Variants in KLHL3 observed in about 807,000 individuals in gnomAD.
KLHL3 encodes the protein kelch like family member 3.
Under a neutral mutation model 70.5 loss-of-function variants are expected in KLHL3, and 19 were observed. That is an observed-to-expected ratio of 0.27 (90% CI 0.19 to 0.40). The LOEUF is 0.40. Among genes scored for constraint, KLHL3 ranks in the 10% least tolerant of loss-of-function variants. The pLI, the probability that KLHL3 is intolerant of heterozygous loss-of-function variation, is 1.00. For synonymous variants in KLHL3, 258 were observed against 290.3 expected, an observed-to-expected ratio of 0.89 and a Z score of 1.13; for missense variants, 512 against 771.1, an observed-to-expected ratio of 0.66 and a Z score of 3.98.
chr5:137,720,988 A>G, intron 1 of KLHL3: 1 of 526,462 alleles, frequency 1.9e-6, no homozygotes, highest in Non-Finnish European at 2.5e-6. Flanking sequence ...AACAATAGGC[A>G]AAGCCACCAT....
intron 6 of KLHL3, among the ~76,000 whole-genome samples, chr5:137,663,097 G>T (rs1346653646): frequency 1.7e-5 from 2 of 119,564 alleles, no homozygotes; most frequent in East Asian, 2.5e-4. Context: ...TTACTCTGTC[G>T]CATAGGCTGG....
At chr5:137,691,204 T>C (rs1752312561) in intron 5 of KLHL3, among the ~76,000 whole-genome samples, 1 of 152,218 alleles carries the variant, frequency 6.6e-6, no homozygotes, top group Admixed American at 6.5e-5. Context: ...GGTAGAACCA[T>C]ACACTATGCA....
chr5:137,652,121 G>A (rs1348872849), intron 8 of KLHL3, among the ~76,000 whole-genome samples: 2 of 151,844 alleles, frequency 1.3e-5, no homozygotes, highest in African/African-American at 4.8e-5. Flanking sequence ...GAAAGTATAG[G>A]AGAAAATCTG....
In KLHL3 at chr5:137,651,502, A is replaced by G. The variant is rs140057838; in HGVS notation, c.903+6629T>C. ...AAAACAATAAAATACCCAGGGATAG[A>G]TCTAACAAAAGACATGTAAGACCCA... On this transcript the variant is annotated intron_variant, in intron 8 of 14. Coordinates refer to ENST00000309755, the MANE Select transcript of KLHL3 (RefSeq NM_017415.3). Among the ~76,000 whole-genome samples, 1,239 of 152,362 alleles carry G rather than the reference A, an allele frequency of 8.1e-3. 17 individuals are homozygous for G. The highest frequency in any genetic ancestry group is 0.028 in the African/African-American group (1,166 of 41,578).
At chr5:137,669,747 T>C (rs950536718) in intron 6 of KLHL3, among the ~76,000 whole-genome samples, 1 of 152,216 alleles carries the variant, frequency 6.6e-6, no homozygotes, top group East Asian at 1.9e-4. Flanking sequence ...AATCTTTCCC[T>C]GTAGCTCCAA....
intron 8 of KLHL3, among the ~76,000 whole-genome samples, chr5:137,641,853 C>A (rs571946695): frequency 6.6e-6 from 1 of 152,200 alleles, no homozygotes; most frequent in South Asian, 2.1e-4. Flanking sequence ...GGACACAAAA[C>A]CCAGCCTCGA....
At chr5:137,682,435 GGCATAGAC>G (rs1752055089) in intron 5 of KLHL3, among the ~76,000 whole-genome samples, 1 of 139,144 alleles carries the variant, frequency 7.2e-6, no homozygotes, top group Non-Finnish European at 1.6e-5. Flanking sequence ...GAGAGAGAGA[GGCATAGAC>G]AGAGGATATG....
chr5:137,689,873 G>GT (rs1176600748), intron 5 of KLHL3, among the ~76,000 whole-genome samples: 3 of 152,176 alleles, frequency 2.0e-5, no homozygotes, highest in Admixed American at 6.5e-5. Flanking sequence ...TCAGACAACT[G>GT]TATCAGCCAA....
intron 5 of KLHL3, among the ~76,000 whole-genome samples, chr5:137,682,175 A>G (rs1253014619): frequency 6.6e-6 from 1 of 152,006 alleles, no homozygotes; most frequent in Non-Finnish European, 1.5e-5. Flanking sequence ...TCCCCATTTT[A>G]CAGATGGAGA....
intron 12 of KLHL3, among the ~76,000 whole-genome samples, 197 bp downstream of exon 12, chr5:137,633,840 T>G (rs1000428678): frequency 1.2e-4 from 18 of 152,196 alleles, no homozygotes; most frequent in Non-Finnish European, 2.5e-4. Flanking sequence ...AGGGTGAAAG[T>G]TGAAAAATTA....
Position 137,735,615 on chromosome 5 carries a change from A to C in KLHL3, c.14+18T>G, listed in dbSNP as rs1753249032. ...CTTACATACACACACAACACAGCAC[A>C]CACTTATACATACATACCTTTCACC... On this transcript the variant is annotated intron_variant, in intron 1 of 14. Coordinates refer to ENST00000309755, the MANE Select transcript of KLHL3 (RefSeq NM_017415.3). 1.3e-6 allele frequency: 2 copies of C among 1,592,596 alleles called. No homozygotes were observed. Among genetic ancestry groups the C allele is most frequent in the African/African-American group, 2.7e-5 (2 of 74,468 alleles).
intron 3 of KLHL3, among the ~76,000 whole-genome samples, chr5:137,698,973 G>GA (rs1304628736): frequency 6.6e-6 from 1 of 152,142 alleles, no homozygotes; most frequent in Non-Finnish European, 1.5e-5. Flanking sequence ...TACAGATGAA[G>GA]AAACTGAGCA....
chr5:137,629,465 AAAAGTTCCTCAGGTGACTGGGATGTGCAG>A (rs1327116094), intron 12 of KLHL3: 2 of 152,200 alleles, frequency 1.3e-5, no homozygotes, highest in South Asian at 2.1e-4. Flanking sequence ...AGGAGTCAGA[AAAAGTTCCTCAGGTGACTGGGATGTGCAG>A]AAAGTTCCTC....
chr5:137,656,104 G>A (rs571968042), intron 8 of KLHL3, among the ~76,000 whole-genome samples: 3 of 151,144 alleles, frequency 2.0e-5, no homozygotes, highest in East Asian at 1.9e-4. Flanking sequence ...TACAAATGCC[G>A]ATAATCATAT....
chr5:137,652,386 G>C (rs1254560834), intron 8 of KLHL3, among the ~76,000 whole-genome samples: 3 of 152,302 alleles, frequency 2.0e-5, no homozygotes, highest in East Asian at 3.9e-4. Context: ...AGCATTAGTT[G>C]CAAGAGCCAA....
intron 1 of KLHL3, among the ~76,000 whole-genome samples, chr5:137,735,139 C>T (rs900121177): frequency 4.6e-5 from 7 of 152,120 alleles, no homozygotes; most frequent in African/African-American, 1.4e-4. Context: ...GGCGTGCACG[C>T]GCGCACACAC....
At chr5:137,668,203 A>G (rs992698198) in intron 6 of KLHL3, among the ~76,000 whole-genome samples, 5 of 152,178 alleles carry the variant, frequency 3.3e-5, no homozygotes, top group Non-Finnish European at 2.9e-5. Flanking sequence ...CGAAGTCAAG[A>G]GATTGAGACC....
chr5:137,701,034 T>C (rs1052141924), intron 3 of KLHL3, among the ~76,000 whole-genome samples: 1 of 152,040 alleles, frequency 6.6e-6, no homozygotes, highest in African/African-American at 2.4e-5. Context: ...AAAACTGGCA[T>C]TTCTTTTTTT....
Position 137,669,502 on chromosome 5 carries a change from AC to A in KLHL3, c.637-7472del, listed in dbSNP as rs1221303387. 5.2e-3 allele frequency among the ~76,000 whole-genome samples: 798 copies of A among 152,324 alleles called. 5 individuals are homozygous for A. The highest frequency in any genetic ancestry group is 9.4e-3 in the Non-Finnish European group (637 of 68,010). Reference sequence around the variant, plus strand: ...AAATGATGAAAAAATTAAAACGGTAACATCACTTGGCCTGGAAATTGTTCTT... The same window carrying A: ...AAATGATGAAAAAATTAAAACGGTAAATCACTTGGCCTGGAAATTGTTCTT... On this transcript the variant is annotated intron_variant, in intron 6 of 14. Coordinates refer to ENST00000309755, the MANE Select transcript of KLHL3 (RefSeq NM_017415.3).
Sources: gnomAD v4.1 joint callset for allele counts (sites outside exome capture counted in the v4.1 genomes callset) on GRCh38, gnomAD v4.1.1 for gene constraint, MANE v1.5 for transcripts, NCBI Gene and HGNC (gene_info 2026-07-23, HGNC 2026-07-21) for gene names.